CNTNAP2: variants seen among roughly 807,000 people sequenced by gnomAD.
CNTNAP2 encodes the protein contactin-associated protein-like 2.
CNTNAP2 carries 98 observed loss-of-function variants against 155.2 expected under a neutral mutation model. The observed-to-expected ratio is 0.63, with a 90% CI of 0.54 to 0.75. CNTNAP2 has a LOEUF of 0.75. Among genes scored for constraint, CNTNAP2 ranks in the 30% least tolerant of loss-of-function variants. The probability of loss-of-function intolerance (pLI) is 0.00; values close to 1 mark genes in which losing one functional copy is unlikely to be tolerated. For synonymous variants in CNTNAP2, 651 were observed against 631.2 expected, an observed-to-expected ratio of 1.03 and a Z score of -0.47; for missense variants, 1,727 against 1,688.1, an observed-to-expected ratio of 1.02 and a Z score of -0.40.
chr7:147,060,788 T>C (rs111313677), intron 4 of CNTNAP2, among the ~76,000 whole-genome samples: 9,284 of 151,332 alleles, frequency 0.061, 713 homozygotes, highest in African/African-American at 0.18. Context: ...GGCGTGAACC[T>C]GGGAGGCGGA....
intron 13 of CNTNAP2, among the ~76,000 whole-genome samples, chr7:147,697,987 C>G (rs992727212): frequency 6.6e-6 from 1 of 152,164 alleles, no homozygotes; most frequent in Non-Finnish European, 1.5e-5. Context: ...TGTCCACACT[C>G]AACCTCCAGA....
intron 14 of CNTNAP2, among the ~76,000 whole-genome samples, chr7:147,928,539 A>G (rs1800438538): frequency 6.6e-6 from 1 of 152,190 alleles, no homozygotes. Flanking sequence ...GGTGAAAAGT[A>G]TTAGGAGACT....
intron 3 of CNTNAP2, among the ~76,000 whole-genome samples, chr7:146,974,142 T>G (rs1211199854): frequency 6.6e-6 from 1 of 152,116 alleles, no homozygotes. Flanking sequence ...TGAAGACATA[T>G]AGAGGACAGG....
In CNTNAP2 at chr7:147,107,995, A is replaced by G. The variant is rs191610852; in HGVS notation, c.551-152A>G. ...AACCTCCTTTAAAACAAACACAGTA[A>G]ATCAAAAGAAGGAATAGAAGAAAAA... On this transcript the variant is annotated intron_variant, in intron 4 of 23. Transcript: ENST00000361727. 80 of 683,960 alleles carry G rather than the reference A, an allele frequency of 1.2e-4. 1 individual carries two copies. The highest frequency in any genetic ancestry group is 5.7e-4 in the Admixed American group (22 of 38,602). 42.4% of individuals were successfully genotyped at this position (683,960 alleles called of 1,614,324 possible).
At chr7:147,487,504 A>G (rs113344070) in intron 11 of CNTNAP2, among the ~76,000 whole-genome samples, 22 of 152,202 alleles carry the variant, frequency 1.4e-4, no homozygotes, top group African/African-American at 4.8e-4. Context: ...CATAATTTTT[A>G]TCGTGTGTTA....
chr7:146,631,693 C>T (rs1238017783), intron 1 of CNTNAP2, among the ~76,000 whole-genome samples: 2 of 152,150 alleles, frequency 1.3e-5, no homozygotes, highest in Non-Finnish European at 2.9e-5. Context: ...AAATGGCACG[C>T]TATTGGACCA....
chr7:147,441,091 A>G (rs375445755), intron 10 of CNTNAP2, among the ~76,000 whole-genome samples: 1 of 152,114 alleles, frequency 6.6e-6, no homozygotes, highest in African/African-American at 2.4e-5. Context: ...TTTAAGGCCA[A>G]TAAGTCTTAG....
At chr7:148,106,766 T>C (rs1374966741) in intron 15 of CNTNAP2, among the ~76,000 whole-genome samples, 1 of 152,082 alleles carries the variant, frequency 6.6e-6, no homozygotes, top group African/African-American at 2.4e-5. Flanking sequence ...CAAAACTTTG[T>C]TTCTTGCTAA....
chr7:148,395,222 C>T (rs1368467124), intron 22 of CNTNAP2, among the ~76,000 whole-genome samples: 3 of 135,338 alleles, frequency 2.2e-5, no homozygotes, highest in Non-Finnish European at 1.6e-5. Context: ...TTTCTACTGT[C>T]GTGTCTTCTT....
intron 2 of CNTNAP2, among the ~76,000 whole-genome samples, chr7:146,832,971 C>G (rs1257542346): frequency 6.6e-6 from 1 of 152,098 alleles, no homozygotes; most frequent in African/African-American, 2.4e-5. Context: ...GCTGGGATTA[C>G]AGGTGTGAGC....
rs542026309 is a variant in CNTNAP2 at position 147,982,942 on chromosome 7, C to T, written c.2383+4953C>T. Among the ~76,000 whole-genome samples, 7 of 140,772 alleles carry T rather than the reference C, an allele frequency of 5.0e-5. No homozygotes were observed. The South Asian group carries it at 6.8e-4, about 14-fold the overall frequency. 92.4% of individuals were successfully genotyped at this position (140,772 alleles called of 152,430 possible). ...CTGAGGCAGGAGAATCATTTGAATC[C>T]GGGAGGTGGAAGTTGCAGTGAGCCA... On this transcript the variant is annotated intron_variant, in intron 15 of 23. Transcript: ENST00000361727.
rs571172270 is a variant in CNTNAP2, at chr7:146,629,987, T to C, written c.98-144284T>C. Among the ~76,000 whole-genome samples the C allele has an allele frequency of 5.3e-5, 8 of 150,572 alleles. No homozygotes were observed. The East Asian group carries it at 1.2e-3, about 22-fold the overall frequency. Reference sequence around the variant, plus strand: ...ATTTGACCATATAATGCATAGAATATGGTGTTCTTTTTTTTTTAAGTTCTG... The same window carrying C: ...ATTTGACCATATAATGCATAGAATACGGTGTTCTTTTTTTTTTAAGTTCTG... On this transcript the variant is annotated intron_variant, in intron 1 of 23. Coordinates refer to ENST00000361727, the MANE Select transcript of CNTNAP2 (RefSeq NM_014141.6).
chr7:146,294,613 C>A (rs1402395709), intron 1 of CNTNAP2, among the ~76,000 whole-genome samples: 1 of 152,096 alleles, frequency 6.6e-6, no homozygotes, highest in Admixed American at 6.6e-5. Flanking sequence ...ACTTACAATG[C>A]CATTGGTTTA....
At chr7:148,184,956 T>C (rs1203757240) in intron 18 of CNTNAP2, among the ~76,000 whole-genome samples, 1 of 152,238 alleles carries the variant, frequency 6.6e-6, no homozygotes, top group Non-Finnish European at 1.5e-5. Flanking sequence ...TTATTAATCA[T>C]TGAGTCACTG....
chr7:147,996,680 A>G (rs1340864133), intron 15 of CNTNAP2, among the ~76,000 whole-genome samples: 2 of 152,226 alleles, frequency 1.3e-5, no homozygotes, highest in Non-Finnish European at 2.9e-5. Flanking sequence ...ACAGAAAAAG[A>G]GTAGAACTCA....
chr7:147,904,980 T>C (rs904410689), intron 14 of CNTNAP2, among the ~76,000 whole-genome samples: 15 of 152,132 alleles, frequency 9.9e-5, no homozygotes, highest in African/African-American at 3.6e-4. Context: ...GCATGGTCTT[T>C]GAAATTAACC....
chr7:148,337,878 G>A (rs886966), intron 21 of CNTNAP2, among the ~76,000 whole-genome samples: 49,209 of 151,994 alleles, frequency 0.32, 8,101 homozygotes, highest in East Asian at 0.52. Context: ...AATGGGTCAG[G>A]GGGACTTTTT....
intron 1 of CNTNAP2, among the ~76,000 whole-genome samples, chr7:146,549,074 A>G (rs1358637226): frequency 2.8e-5 from 4 of 143,846 alleles, no homozygotes; most frequent in African/African-American, 1.0e-4. Context: ...TTTTTTTTGC[A>G]TGTGGATGTT....
intron 14 of CNTNAP2, among the ~76,000 whole-genome samples, chr7:147,944,325 A>G (rs1800781365): frequency 6.6e-6 from 1 of 152,240 alleles, no homozygotes. Context: ...CTTTTAAAAC[A>G]TAAATAGCAT....
Sources: allele counts gnomAD v4.1 joint callset (sites outside exome capture counted in the v4.1 genomes callset), GRCh38; gene constraint gnomAD v4.1.1; transcripts MANE v1.5; gene names NCBI Gene and HGNC (gene_info 2026-07-23, HGNC 2026-07-21).